Variants in APOL6 observed in about 807,000 individuals in gnomAD.
The protein encoded by APOL6 is apolipoprotein L6, also known as apolipoprotein L, 6.
A neutral mutation model predicts 2.4 loss-of-function variants in APOL6; 1 was observed. That is an observed-to-expected ratio of 0.41 (90% CI 0.15 to 1.94). The LOEUF (loss-of-function observed/expected upper bound fraction) is 1.94. Among genes scored for constraint, APOL6 ranks in the 30% most tolerant of loss-of-function variants. The pLI, the probability that APOL6 is intolerant of heterozygous loss-of-function variation, is 0.30. For missense variants in APOL6, 438 were observed against 429.2 expected (o/e 1.02, Z -0.18); for synonymous variants, 189 against 169.3 (o/e 1.12, Z -0.90).
At position 35,658,818 on chromosome 22, in the gene APOL6, C is replaced by T. The variant is rs1373631701; in HGVS notation, c.254C>T (p.Ala85Val). ...GCTAACATGGTGGCCACCTCTACTG[C>T]TGTCATCTCTGGAGTGATGAGCCTC... ...TKANMVATSTAVISGVMSLLG... is the reference protein window; with the variant it reads ...TKANMVATSTVVISGVMSLLG... Residue 85 changes from alanine to valine, a missense_variant, in exon 3 of 3, where the codon GCT becomes GTT. By Grantham distance (64) the Ala-to-Val change is moderately conservative. Transcript: ENST00000409652. 2 of 1,614,214 alleles carry T rather than the reference C, an allele frequency of 1.2e-6. No homozygotes were observed.
At position 35,664,430 on chromosome 22, in the gene APOL6, C is replaced by T. The variant is rs959857619; in HGVS notation, c.*4834C>T. 2.0e-5 allele frequency: 3 copies of T among 152,192 alleles called. No homozygotes were observed. The highest frequency in any genetic ancestry group is 4.8e-5 in the African/African-American group (2 of 41,456). 9.4% of individuals were successfully genotyped at this position (152,192 alleles called of 1,614,324 possible). On this transcript the variant is annotated 3_prime_UTR_variant, in exon 3 of 3. Coordinates refer to ENST00000409652, the MANE Select transcript of APOL6 (RefSeq NM_030641.4). ...GAAAGGACTGTTATTGTCATTGTTT[C>T]GAAGCTGAACTTAAACTAGGTTCCT... is the stretch of plus-strand genomic sequence containing the variant.
chr22:35,659,024 A>C lies in APOL6; in HGVS notation c.460A>C (p.Arg154=). Residue 154 remains arginine, a synonymous_variant, in exon 3 of 3, where the codon AGG becomes CGG. Transcript: ENST00000409652. ...ACTGCCCACCTACGACCAAGAGGAC[A>C]GGGAGGATGAGGAAGAGAAGGCAGA... ...DILPTYDQED[R]EDEEEKADYV... 6.2e-7 allele frequency: 1 copy of C among 1,613,838 alleles called. No homozygotes were observed. The highest frequency in any genetic ancestry group is 8.5e-7 in the Non-Finnish European group (1 of 1,180,020).
Position 35,665,717 on chromosome 22 carries a change from AG to A in APOL6, c.*6124del, listed in dbSNP as rs1174444998. 6.6e-6 allele frequency: 1 copy of A among 152,244 alleles called. No homozygotes were observed. The highest frequency in any genetic ancestry group is 1.5e-5 in the Non-Finnish European group (1 of 68,044). The allele number at this position is 152,244 out of a possible 1,614,324, so 9.4% of individuals were successfully genotyped here. A position where few individuals can be genotyped will look rare whatever the true frequency, so the allele number is the denominator to read the frequency against. ...TGATTGGCTTCAGGCTGTTTTTATT[AG>A]GGCTTCTTGTTTAGAAAGTTAAGTC... is the stretch of plus-strand genomic sequence containing the variant. On this transcript the variant is annotated 3_prime_UTR_variant, in exon 3 of 3. Coordinates refer to ENST00000409652, the MANE Select transcript of APOL6 (RefSeq NM_030641.4).
Position 35,664,513 on chromosome 22 carries a change from G to A in APOL6, c.*4917G>A, listed in dbSNP as rs1925117222. On this transcript the variant is annotated 3_prime_UTR_variant, in exon 3 of 3. Transcript: ENST00000409652. Reference sequence around the variant, plus strand: ...AACAAGGACAGCTTGGAAGTTAAGAGCAAGGTGGAGTCAGTTAGGTCAAAT... The same window carrying A: ...AACAAGGACAGCTTGGAAGTTAAGAACAAGGTGGAGTCAGTTAGGTCAAAT... 6.6e-6 allele frequency: 1 copy of A among 152,224 alleles called. No individual in the cohort carries two copies. Among genetic ancestry groups the A allele is most frequent in the Non-Finnish European group, 1.5e-5 (1 of 68,042 alleles). The allele number at this position is 152,224 out of a possible 1,614,324, so 9.4% of individuals were successfully genotyped here. A position where few individuals can be genotyped will look rare whatever the true frequency, so the allele number is the denominator to read the frequency against.
In APOL6 at chr22:35,662,185, A is replaced by C. The variant is rs1447740426; in HGVS notation, c.*2589A>C. 1.3e-5 allele frequency: 2 copies of C among 152,194 alleles called. No individual in the cohort carries two copies. The highest frequency in any genetic ancestry group is 2.4e-5 in the African/African-American group (1 of 41,450). The allele number at this position is 152,194 out of a possible 1,614,324, so 9.4% of individuals were successfully genotyped here. ...GCTTTGGAAGGGAAGGGAGGTGGGC[A>C]GCAGTGGGTCAGAGATAGACCTTTG... On this transcript the variant is annotated 3_prime_UTR_variant, in exon 3 of 3. Transcript: ENST00000409652.
intron 1 of APOL6, among the ~76,000 whole-genome samples, chr22:35,651,077 A>C (rs1453020278): frequency 6.6e-6 from 1 of 152,174 alleles, no homozygotes; most frequent in Non-Finnish European, 1.5e-5. Flanking sequence ...TATATCTAGG[A>C]AACAGCATTT....
intron 1 of APOL6, among the ~76,000 whole-genome samples, chr22:35,651,312 G>A (rs571534091): frequency 3.9e-5 from 6 of 152,168 alleles, no homozygotes; most frequent in South Asian, 2.1e-4. Flanking sequence ...TTGCAGCCTC[G>A]GTGGCTTCTG....
intron 1 of APOL6, among the ~76,000 whole-genome samples, chr22:35,655,082 TC>T (rs1266272280): frequency 6.6e-6 from 1 of 152,220 alleles, no homozygotes; most frequent in Non-Finnish European, 1.5e-5. Context: ...TTTTTCTTCA[TC>T]TTGTCCCTTC....
In APOL6 at chr22:35,660,874, C is replaced by T. The variant is rs1158744778; in HGVS notation, c.*1278C>T. 6.6e-6 allele frequency: 1 copy of T among 152,256 alleles called. No homozygotes were observed. Among genetic ancestry groups the T allele is most frequent in the Non-Finnish European group, 1.5e-5 (1 of 68,050 alleles). The allele number at this position is 152,256 out of a possible 1,614,324, so 9.4% of individuals were successfully genotyped here. ...CTATTGGAGGGGTAGAAGGAACTTC[C>T]TTTCTAGACCTTGAAGGTTTAAGAA... On this transcript the variant is annotated 3_prime_UTR_variant, in exon 3 of 3. Transcript: ENST00000409652.
Position 35,650,352 on chromosome 22 carries a change from T to C in APOL6, c.-48+1729T>C, listed in dbSNP as rs548130406. Among the ~76,000 whole-genome samples, 6 of 152,258 alleles carry C rather than the reference T, an allele frequency of 3.9e-5. No individual in the cohort carries two copies. The South Asian group carries it at 8.3e-4, about 21-fold the overall frequency. On this transcript the variant is annotated intron_variant, in intron 1 of 2. Coordinates refer to ENST00000409652, the MANE Select transcript of APOL6 (RefSeq NM_030641.4). The stretch of plus-strand genomic sequence containing the variant: ...AAATTATAAATACAAAATTTTAAAA[T>C]AACTGAAAACAACCCAAAGGTTCAA...
At position 35,658,658 on chromosome 22, in the gene APOL6, GA is replaced by G; in HGVS notation, c.95del (p.Asp32AlafsTer12). On this transcript the variant is annotated frameshift_variant, in exon 3 of 3. Transcript: ENST00000409652. LOFTEE classifies it low-confidence loss of function (END_TRUNC). ...TCTGTGTGAAGACGTGGAGCTACAAGACGGAGATCTGTCCCCCGAAGAAAAA... is the reference window on the plus strand; with the variant it reads ...TCTGTGTGAAGACGTGGAGCTACAAGCGGAGATCTGTCCCCCGAAGAAAAA... ...APLCEDVELQ[D>X]GDLSPEEKIF... 1 of 1,614,064 alleles carries G rather than the reference GA, an allele frequency of 6.2e-7. No homozygotes were observed. Among genetic ancestry groups the G allele is most frequent in the Non-Finnish European group, 8.5e-7 (1 of 1,179,990 alleles).
At chr22:35,652,039 C>T (rs898963193) in intron 1 of APOL6, among the ~76,000 whole-genome samples, 5 of 152,188 alleles carry the variant, frequency 3.3e-5, no homozygotes, top group Non-Finnish European at 7.3e-5. Flanking sequence ...TCCTATTTCT[C>T]CACATCCTCT....
At chr22:35,651,722 C>T (rs113668692) in intron 1 of APOL6, among the ~76,000 whole-genome samples, 99 of 152,198 alleles carry the variant, frequency 6.5e-4, no homozygotes, top group Middle Eastern at 6.8e-3. Context: ...ACAAAGGACA[C>T]GAACTCATCC....
intron 2 of APOL6, among the ~76,000 whole-genome samples, chr22:35,658,118 G>T (rs1254369967): frequency 6.6e-6 from 1 of 152,074 alleles, no homozygotes; most frequent in Non-Finnish European, 1.5e-5. Flanking sequence ...TAGAGTGGAG[G>T]ATGTATGATG....
Position 35,662,225 on chromosome 22 carries a change from A to C in APOL6, c.*2629A>C, listed in dbSNP as rs1333338267. 6.6e-6 allele frequency: 1 copy of C among 152,170 alleles called. No individual in the cohort carries two copies. The highest frequency in any genetic ancestry group is 1.5e-5 in the Non-Finnish European group (1 of 68,044). The allele number at this position is 152,170 out of a possible 1,614,324, so 9.4% of individuals were successfully genotyped here. On this transcript the variant is annotated 3_prime_UTR_variant, in exon 3 of 3. Coordinates refer to ENST00000409652, the MANE Select transcript of APOL6 (RefSeq NM_030641.4). ...ATAGACCTTTGTTCTCTTATTTCTG[A>C]GGCCCTTCAGTCTCCTTTATTCAAA...
intron 1 of APOL6, among the ~76,000 whole-genome samples, chr22:35,650,094 TA>T (rs1455350320): frequency 6.6e-6 from 1 of 152,132 alleles, no homozygotes; most frequent in Non-Finnish European, 1.5e-5. Flanking sequence ...TGCACCTCTG[TA>T]AAATGGGCAT....
chr22:35,653,161 T>C (rs1924745558), intron 1 of APOL6, among the ~76,000 whole-genome samples: 1 of 151,896 alleles, frequency 6.6e-6, no homozygotes, highest in African/African-American at 2.4e-5. Flanking sequence ...TTGAAGCAAT[T>C]GTGAATGGGA....
chr22:35,658,974 A>T lies in APOL6; in HGVS notation c.410A>T (p.Glu137Val). 2 of 1,613,932 alleles carry T rather than the reference A, an allele frequency of 1.2e-6. No homozygotes were observed. The highest frequency in any genetic ancestry group is 1.7e-6 in the Non-Finnish European group (2 of 1,180,034). Residue 137 changes from glutamate (E) to valine (V), a missense_variant, in exon 3 of 3, where the codon GAA (glutamate) becomes GTA (valine). Physicochemically the swap from Glu to Val is moderately radical, Grantham distance 121 (BLOSUM62 -2). Coordinates refer to ENST00000409652, the MANE Select transcript of APOL6 (RefSeq NM_030641.4). The part of the protein sequence containing the change: ...SGTLERSKNK[E>V]AQARAEDILP... ...ACGTTGGAACGCTCCAAAAATAAAGAAGCCCAAGCACGGGCGGAAGACATA... is the reference window on the plus strand; with the variant it reads ...ACGTTGGAACGCTCCAAAAATAAAGTAGCCCAAGCACGGGCGGAAGACATA...
At position 35,662,662 on chromosome 22, in the gene APOL6, T is replaced by A. The variant is rs1925060675; in HGVS notation, c.*3066T>A. ...ACATGTCATCAGGACTTCCTGAGTC[T>A]GTGTCACAGTGTGTCCTCAACCTTG... On this transcript the variant is annotated 3_prime_UTR_variant, in exon 3 of 3. Coordinates refer to ENST00000409652, the MANE Select transcript of APOL6 (RefSeq NM_030641.4). 2 of 152,258 alleles carry A rather than the reference T, an allele frequency of 1.3e-5. No individual in the cohort carries two copies. Among genetic ancestry groups the A allele is most frequent in the Admixed American group, 1.3e-4 (2 of 15,286 alleles). 9.4% of individuals were successfully genotyped at this position (152,258 alleles called of 1,614,324 possible).
Sources: allele counts gnomAD v4.1 joint callset (sites outside exome capture counted in the v4.1 genomes callset), GRCh38; gene constraint gnomAD v4.1.1; transcripts MANE v1.5; gene names NCBI Gene and HGNC (gene_info 2026-07-23, HGNC 2026-07-21).